PTGFRN: variants seen among roughly 807,000 people sequenced by gnomAD.
The protein encoded by PTGFRN is prostaglandin F2 receptor inhibitor.
Under a neutral mutation model 83.2 loss-of-function variants are expected in PTGFRN, and 35 were observed. That is an observed-to-expected ratio of 0.42 (90% CI 0.32 to 0.56). The LOEUF is 0.56. Ranked by LOEUF, PTGFRN falls within the 20% of genes least tolerant of loss-of-function variation. The pLI is 0.11. For missense variants in PTGFRN, 1,051 were observed against 1,179.5 expected (o/e 0.89, Z 1.60); for synonymous variants, 519 against 498.6 (o/e 1.04, Z -0.55).
chr1:116,915,064 A>G (rs950843816), intron 1 of PTGFRN, among the ~76,000 whole-genome samples: 4 of 152,244 alleles, frequency 2.6e-5, no homozygotes, highest in African/African-American at 9.6e-5. Flanking sequence ...CTAGAGACAT[A>G]CAGATTCTTC....
At chr1:116,929,434 C>T (rs917232343) in intron 1 of PTGFRN, among the ~76,000 whole-genome samples, 8 of 152,200 alleles carry the variant, frequency 5.3e-5, no homozygotes, top group South Asian at 2.1e-4. Flanking sequence ...ATCGTTTTCT[C>T]GTTGATGTGC....
intron 7 of PTGFRN, among the ~76,000 whole-genome samples, chr1:116,977,262 CAAT>C (rs991286482): frequency 1.4e-4 from 22 of 152,250 alleles, no homozygotes; most frequent in African/African-American, 5.3e-4. Flanking sequence ...AGACTCCACA[CAAT>C]AATAATGGGA....
At position 116,986,982 on chromosome 1, in the gene PTGFRN, G is replaced by A. The variant is rs1462923601; in HGVS notation, c.*15G>A. 6.2e-7 allele frequency: 1 copy of A among 1,613,902 alleles called. No homozygotes were observed. On this transcript the variant is annotated 3_prime_UTR_variant, in exon 9 of 9. Coordinates refer to ENST00000393203, the MANE Select transcript of PTGFRN (RefSeq NM_020440.4). ...AGATGGACTAGGCTGGCCCGGGAGGGGAGTGACAGAGGGACGTTCTAGGAG... is the reference window on the plus strand; with the variant it reads ...AGATGGACTAGGCTGGCCCGGGAGGAGAGTGACAGAGGGACGTTCTAGGAG...
chr1:116,954,976 T>C (rs562351911), intron 4 of PTGFRN, among the ~76,000 whole-genome samples: 2 of 152,344 alleles, frequency 1.3e-5, no homozygotes, highest in African/African-American at 4.8e-5. Flanking sequence ...AATACCTTCC[T>C]TACAAAATTG....
At chr1:116,926,418 C>A (rs528890825) in intron 1 of PTGFRN, among the ~76,000 whole-genome samples, 1 of 152,226 alleles carries the variant, frequency 6.6e-6, no homozygotes, top group East Asian at 1.9e-4. Context: ...TTATAGAATG[C>A]GCTAAAATAA....
intron 7 of PTGFRN, among the ~76,000 whole-genome samples, chr1:116,980,629 C>G (rs1191074418): frequency 6.6e-6 from 1 of 152,206 alleles, no homozygotes; most frequent in Non-Finnish European, 1.5e-5. Flanking sequence ...ACCTCATGTT[C>G]TCACTCATAG....
At chr1:116,927,159 C>G (rs2806864) in intron 1 of PTGFRN, among the ~76,000 whole-genome samples, 25,218 of 152,082 alleles carry the variant, frequency 0.17, 4,466 homozygotes, top group African/African-American at 0.44. Flanking sequence ...TGCCTTTAAC[C>G]ACGAGCCATA....
intron 6 of PTGFRN, among the ~76,000 whole-genome samples, chr1:116,972,750 A>C (rs1651041086): frequency 6.6e-6 from 1 of 152,110 alleles, no homozygotes; most frequent in African/African-American, 2.4e-5. Flanking sequence ...TTGTTCCTAG[A>C]TTTTAGGAGT....
chr1:116,941,233 T>C lies in PTGFRN; in HGVS notation c.50-482T>C, dbSNP rs1164514113. Among the ~76,000 whole-genome samples the C allele has an allele frequency of 1.3e-5, 2 of 152,252 alleles. No individual in the cohort carries two copies. Among genetic ancestry groups the C allele is most frequent in the Non-Finnish European group, 2.9e-5 (2 of 68,050 alleles). The stretch of plus-strand genomic sequence containing the variant: ...GAGTTAAATCATTTTATCAGCAGGC[T>C]GCTCTAGGATTTAAAAATTGGCATC... On this transcript the variant is annotated intron_variant, in intron 1 of 8. Coordinates refer to ENST00000393203, the MANE Select transcript of PTGFRN (RefSeq NM_020440.4). The surrounding 1 kb of genome is among the most constrained non-coding windows in gnomAD (Gnocchi z 5.0).
At chr1:116,946,298 G>A (rs1477999272) in intron 3 of PTGFRN, among the ~76,000 whole-genome samples, 1 of 152,206 alleles carries the variant, frequency 6.6e-6, no homozygotes, top group African/African-American at 2.4e-5. Flanking sequence ...GGAAAAGTGG[G>A]TGGTGGAAAA....
intron 6 of PTGFRN, among the ~76,000 whole-genome samples, chr1:116,969,062 C>T (rs1650918844): frequency 6.7e-6 from 1 of 150,126 alleles, no homozygotes; most frequent in Non-Finnish European, 1.5e-5. Context: ...CTTTCACTTT[C>T]TTAATGATGT....
intron 1 of PTGFRN, among the ~76,000 whole-genome samples, chr1:116,924,048 G>T (rs1649596611): frequency 6.6e-6 from 1 of 151,798 alleles, no homozygotes; most frequent in Non-Finnish European, 1.5e-5. Flanking sequence ...CATTCTGGGA[G>T]TACTTTAGGC....
At chr1:116,963,969 A>C (rs1175393544) in intron 5 of PTGFRN, among the ~76,000 whole-genome samples, 2 of 151,956 alleles carry the variant, frequency 1.3e-5, no homozygotes, top group East Asian at 3.9e-4. Flanking sequence ...TGGTAGAGAC[A>C]GGGTCTCACT....
intron 3 of PTGFRN, among the ~76,000 whole-genome samples, chr1:116,946,574 A>T (rs766676025): frequency 6.6e-6 from 1 of 152,192 alleles, no homozygotes; most frequent in Non-Finnish European, 1.5e-5. Flanking sequence ...TGTTTCAAAC[A>T]CACCATGAGA....
chr1:116,956,005 A>G (rs1403057296), intron 4 of PTGFRN, among the ~76,000 whole-genome samples: 1 of 152,248 alleles, frequency 6.6e-6, no homozygotes, highest in Non-Finnish European at 1.5e-5. Flanking sequence ...TGTGCATGAC[A>G]GGCCTTGAAG....
chr1:116,989,727 G>A lies in PTGFRN; in HGVS notation c.*2760G>A, dbSNP rs1651655533. On this transcript the variant is annotated 3_prime_UTR_variant, in exon 9 of 9. Coordinates refer to ENST00000393203, the MANE Select transcript of PTGFRN (RefSeq NM_020440.4). ...TTCACTTTGAAAAAAAATGCAAATC[G>A]ACTTTTTAACAACTGTTGAGATGTT... is the stretch of plus-strand genomic sequence containing the variant. 1 of 152,466 alleles carries A rather than the reference G, an allele frequency of 6.6e-6. No homozygotes were observed. Among genetic ancestry groups the A allele is most frequent in the Non-Finnish European group, 1.5e-5 (1 of 68,012 alleles). 9.4% of individuals were successfully genotyped at this position (152,466 alleles called of 1,614,324 possible).
intron 6 of PTGFRN, among the ~76,000 whole-genome samples, chr1:116,968,269 G>A (rs752293267): frequency 6.8e-6 from 1 of 146,654 alleles, no homozygotes; most frequent in Non-Finnish European, 1.5e-5. Flanking sequence ...AAAAATTCAG[G>A]TGTCAATTGA....
rs56057152 is a variant in PTGFRN, at chr1:116,942,481, T to G, written c.418+398T>G. Among the ~76,000 whole-genome samples the G allele has an allele frequency of 3.1e-3, 467 of 152,326 alleles. 2 individuals carry two copies. The highest frequency in any genetic ancestry group is 4.6e-3 in the Non-Finnish European group (315 of 68,016). On this transcript the variant is annotated intron_variant, in intron 2 of 8. Coordinates refer to ENST00000393203, the MANE Select transcript of PTGFRN (RefSeq NM_020440.4). ...TGTTACATGCCTCAGCTTCCTCCTC[T>G]GTAACCTTAAAGGTTGTGAGGACAG...
At chr1:116,927,846 C>G (rs1649693102) in intron 1 of PTGFRN, among the ~76,000 whole-genome samples, 1 of 152,058 alleles carries the variant, frequency 6.6e-6, no homozygotes, top group South Asian at 2.1e-4. Context: ...GTCTTGGCAG[C>G]AAAAACTAAG....
Sources: gnomAD v4.1 joint callset for allele counts (sites outside exome capture counted in the v4.1 genomes callset) on GRCh38, gnomAD v4.1.1 for gene constraint, Gnocchi (gnomAD v3.1) non-coding constraint, MANE v1.5 for transcripts, NCBI Gene and HGNC (gene_info 2026-07-23, HGNC 2026-07-21) for gene names.